The following CPNE8 variants were observed in gnomAD, a reference collection of about 807,000 sequenced individuals.
CPNE8 encodes the protein copine 8.
Under a neutral mutation model 81.5 loss-of-function variants are expected in CPNE8, and 45 were observed. The ratio of observed to expected loss-of-function variants is 0.55; its 90% CI spans 0.44 to 0.71. The LOEUF (loss-of-function observed/expected upper bound fraction) is 0.71. Ranked by LOEUF, CPNE8 falls within the 30% of genes least tolerant of loss-of-function variation. The probability of loss-of-function intolerance (pLI) is 0.00; values close to 1 mark genes in which losing one functional copy is unlikely to be tolerated. For synonymous variants in CPNE8, 252 were observed against 226.3 expected (o/e 1.11, Z -1.02); for missense variants, 594 against 672.1 (o/e 0.88, Z 1.28).
chr12:38,873,175 A>T (rs1467524108), intron 2 of CPNE8, 125 bp from the exon 3 acceptor site: 1 of 582,634 alleles, frequency 1.7e-6, no homozygotes. Flanking sequence ...TCCTAGACTT[A>T]CCCTTGCAAA....
At chr12:38,783,254 C>T (rs1942094860) in intron 6 of CPNE8, among the ~76,000 whole-genome samples, 1 of 152,120 alleles carries the variant, frequency 6.6e-6, no homozygotes, top group African/African-American at 2.4e-5. Flanking sequence ...GCAAAGACAA[C>T]TATCTATATT....
intron 6 of CPNE8, among the ~76,000 whole-genome samples, chr12:38,815,712 C>T (rs1286721262): frequency 2.0e-5 from 3 of 151,994 alleles, no homozygotes; most frequent in East Asian, 1.9e-4. Flanking sequence ...ATCTGTTACC[C>T]GGTAATTTTT....
intron 13 of CPNE8, among the ~76,000 whole-genome samples, chr12:38,710,800 C>G (rs1185211644): frequency 6.6e-6 from 1 of 152,180 alleles, no homozygotes; most frequent in African/African-American, 2.4e-5. Context: ...GTACAGAACT[C>G]AAATATAGTA....
chr12:38,728,604 G>A (rs1475852988), intron 11 of CPNE8, among the ~76,000 whole-genome samples: 1 of 151,956 alleles, frequency 6.6e-6, no homozygotes, highest in Non-Finnish European at 1.5e-5. Context: ...AAAAAACAGA[G>A]CCTAAGAGAA....
chr12:38,868,345 A>C (rs1943945149), intron 3 of CPNE8, among the ~76,000 whole-genome samples: 1 of 152,182 alleles, frequency 6.6e-6, no homozygotes, highest in African/African-American at 2.4e-5. Context: ...AAAACTATTA[A>C]TAAAGTATCT....
chr12:38,906,373 G>C (rs1213102435), upstream of CPNE8: 1 of 985,346 alleles, frequency 1.0e-6, no homozygotes, highest in Non-Finnish European at 1.2e-6. Context: ...ATACTACTTG[G>C]GATTTAAGGA....
intron 6 of CPNE8, among the ~76,000 whole-genome samples, chr12:38,813,101 A>G (rs1942965546): frequency 6.6e-6 from 1 of 152,200 alleles, no homozygotes; most frequent in Non-Finnish European, 1.5e-5. Flanking sequence ...AAGTGCTATC[A>G]TAAAGAGTTG....
At chr12:38,785,665 C>G (rs1445125567) in intron 6 of CPNE8, among the ~76,000 whole-genome samples, 1 of 152,138 alleles carries the variant, frequency 6.6e-6, no homozygotes, top group Non-Finnish European at 1.5e-5. Flanking sequence ...AACTTCTTTC[C>G]TTTATAATTT....
chr12:38,785,369 A>C (rs1238533223), intron 6 of CPNE8, among the ~76,000 whole-genome samples: 1 of 151,888 alleles, frequency 6.6e-6, no homozygotes, highest in African/African-American at 2.4e-5. Context: ...AAAAAAAAAA[A>C]CATGATATGG....
chr12:38,842,507 A>G (rs1321473697), intron 4 of CPNE8, among the ~76,000 whole-genome samples: 1 of 151,712 alleles, frequency 6.6e-6, no homozygotes, highest in African/African-American at 2.4e-5. Flanking sequence ...AATTTACATG[A>G]TATACCTGAA....
At chr12:38,689,941 T>G (rs532027920) in intron 15 of CPNE8, among the ~76,000 whole-genome samples, 1 of 152,236 alleles carries the variant, frequency 6.6e-6, no homozygotes, top group African/African-American at 2.4e-5. Flanking sequence ...TAGGAAATTC[T>G]TCCTTTCCTC....
At chr12:38,792,279 A>G (rs1274169463) in intron 6 of CPNE8, among the ~76,000 whole-genome samples, 1 of 148,248 alleles carries the variant, frequency 6.7e-6, no homozygotes, top group African/African-American at 2.5e-5. Context: ...CATTACAAAA[A>G]TATCAATGAA....
At chr12:38,728,177 T>G (rs965701363) in intron 11 of CPNE8, among the ~76,000 whole-genome samples, 19 of 152,104 alleles carry the variant, frequency 1.2e-4, no homozygotes, top group African/African-American at 4.6e-4. Flanking sequence ...AAATAAGATA[T>G]GCAAAGAAAC....
intron 1 of CPNE8, among the ~76,000 whole-genome samples, chr12:38,882,069 A>G (rs1944167462): frequency 6.6e-6 from 1 of 152,240 alleles, no homozygotes; most frequent in Non-Finnish European, 1.5e-5. Flanking sequence ...CAAACATATC[A>G]GGTCCAAATC....
intron 6 of CPNE8, among the ~76,000 whole-genome samples, chr12:38,780,779 A>T (rs556512414): frequency 1.1e-3 from 168 of 152,202 alleles, no homozygotes; most frequent in African/African-American, 3.9e-3. Flanking sequence ...ACAAGCATAA[A>T]CTATAGATAC....
At chr12:38,823,513 T>C (rs916899988) in intron 6 of CPNE8, among the ~76,000 whole-genome samples, 1 of 152,150 alleles carries the variant, frequency 6.6e-6, no homozygotes, top group Non-Finnish European at 1.5e-5. Context: ...GCCTTTGCCC[T>C]CCTAAACGTC....
At chr12:38,787,430 C>A (rs1942219115) in intron 6 of CPNE8, among the ~76,000 whole-genome samples, 1 of 147,624 alleles carries the variant, frequency 6.8e-6, no homozygotes, top group Admixed American at 6.7e-5. Flanking sequence ...ACATATCAAA[C>A]CTATGGGATA....
At chr12:38,849,175 G>A (rs1481350351) in intron 3 of CPNE8, among the ~76,000 whole-genome samples, 3 of 151,990 alleles carry the variant, frequency 2.0e-5, no homozygotes, top group Non-Finnish European at 4.4e-5. Context: ...AGTTGTTTCT[G>A]ATTAATCATG....
chr12:38,733,097 A>T (rs1940871570), intron 10 of CPNE8, among the ~76,000 whole-genome samples: 1 of 151,982 alleles, frequency 6.6e-6, no homozygotes, highest in South Asian at 2.1e-4. Flanking sequence ...GTATATGGAG[A>T]TAAAAATAAA....
Sources: gnomAD v4.1 joint callset for allele counts (sites outside exome capture counted in the v4.1 genomes callset) on GRCh38, gnomAD v4.1.1 for gene constraint, MANE v1.5 for transcripts, NCBI Gene and HGNC (gene_info 2026-07-23, HGNC 2026-07-21) for gene names.